Variants in PDE7A observed in about 807,000 individuals in gnomAD.
PDE7A encodes phosphodiesterase 7A.
PDE7A carries 39 observed loss-of-function variants against 64.3 expected under a neutral mutation model. That is an observed-to-expected ratio of 0.61 (90% CI 0.47 to 0.79). PDE7A has a LOEUF of 0.79. Ranked by LOEUF, PDE7A falls within the 30% of genes least tolerant of loss-of-function variation. The pLI, the probability that PDE7A is intolerant of heterozygous loss-of-function variation, is 0.00. For missense variants in PDE7A, 470 were observed against 582.8 expected, an observed-to-expected ratio of 0.81 and a Z score of 1.99; for synonymous variants, 203 against 206.8, an observed-to-expected ratio of 0.98 and a Z score of 0.16.
chr8:65,822,339 G>GT (rs774289043), intron 1 of PDE7A, among the ~76,000 whole-genome samples: 2 of 152,176 alleles, frequency 1.3e-5, no homozygotes, highest in Non-Finnish European at 2.9e-5. Context: ...ATGGCATATG[G>GT]TATTTTAGAA....
At chr8:65,780,386 A>G (rs73693414) in intron 2 of PDE7A, among the ~76,000 whole-genome samples, 1 of 152,198 alleles carries the variant, frequency 6.6e-6, no homozygotes, top group South Asian at 2.1e-4. Flanking sequence ...AATCTGATTA[A>G]TCACTCTTTT....
intron 7 of PDE7A, chr8:65,728,256 G>T (rs1257680415): frequency 6.6e-6 from 1 of 152,090 alleles, no homozygotes; most frequent in Non-Finnish European, 1.5e-5. Flanking sequence ...TTATTATACT[G>T]AACTAACATT....
At chr8:65,837,049 C>T (rs1402966127) in intron 1 of PDE7A, among the ~76,000 whole-genome samples, 1 of 152,212 alleles carries the variant, frequency 6.6e-6, no homozygotes, top group Non-Finnish European at 1.5e-5. Context: ...CATCTCATAA[C>T]ACTTTGATAA....
chr8:65,838,976 C>T (rs558970692), intron 1 of PDE7A, among the ~76,000 whole-genome samples: 1 of 152,234 alleles, frequency 6.6e-6, no homozygotes, highest in Non-Finnish European at 1.5e-5. Flanking sequence ...AAGTTCCAAA[C>T]CAAGTTTTGG....
At chr8:65,792,877 T>C (rs1199085917) in intron 1 of PDE7A, among the ~76,000 whole-genome samples, 2 of 152,202 alleles carry the variant, frequency 1.3e-5, no homozygotes, top group Admixed American at 6.5e-5. Flanking sequence ...TATGGTACTA[T>C]GAGAGTTTTG....
chr8:65,814,490 G>A (rs1157870518), intron 1 of PDE7A, among the ~76,000 whole-genome samples: 5 of 113,596 alleles, frequency 4.4e-5, no homozygotes, highest in South Asian at 3.1e-4. Context: ...CAGCCTGGGC[G>A]ACAGAGCGAG....
chr8:65,811,072 G>A (rs1275732536), intron 1 of PDE7A, among the ~76,000 whole-genome samples: 1 of 152,066 alleles, frequency 6.6e-6, no homozygotes, highest in Admixed American at 6.5e-5. Flanking sequence ...AATCTCTATT[G>A]AAGGATAGAG....
At position 65,715,109 on chromosome 8, in the gene PDE7A, C is replaced by T. The variant is rs373379818; in HGVS notation, c.*4181G>A. Among the ~76,000 whole-genome samples the T allele has an allele frequency of 2.4e-4, 37 of 152,226 alleles. No individual in the cohort carries two copies. The South Asian group carries it at 5.8e-3, about 24-fold the overall frequency. On this transcript the variant is annotated 3_prime_UTR_variant, in exon 13 of 13. Coordinates refer to ENST00000401827, the MANE Select transcript of PDE7A (RefSeq NM_001242318.3). ...GGCCATGTGTGTGAAAATTTTTAGT[C>T]TCCCATGTAAAATAAATTTTGCATT...
intron 1 of PDE7A, among the ~76,000 whole-genome samples, chr8:65,828,509 T>A (rs1810734681): frequency 6.6e-6 from 1 of 152,122 alleles, no homozygotes; most frequent in Non-Finnish European, 1.5e-5. Context: ...CTGAAATGAA[T>A]TAAAATATCT....
intron 1 of PDE7A, among the ~76,000 whole-genome samples, chr8:65,783,707 C>T (rs779431904): frequency 5.9e-5 from 9 of 152,128 alleles, no homozygotes; most frequent in Non-Finnish European, 1.0e-4. Flanking sequence ...TCACTGCATC[C>T]CTGGTCTCTA....
chr8:65,797,184 C>G (rs191182015), intron 1 of PDE7A, among the ~76,000 whole-genome samples: 13 of 152,096 alleles, frequency 8.5e-5, no homozygotes, highest in Non-Finnish European at 1.6e-4. Flanking sequence ...TTGTGTCCCC[C>G]CAAAAGATAT....
At chr8:65,778,643 G>A (rs572697531) in intron 3 of PDE7A, among the ~76,000 whole-genome samples, 2 of 152,154 alleles carry the variant, frequency 1.3e-5, no homozygotes, top group Middle Eastern at 3.4e-3. Context: ...ATCCTCCTCC[G>A]AGGCCCCGAG....
intron 7 of PDE7A, among the ~76,000 whole-genome samples, chr8:65,730,273 C>T (rs562389829): frequency 3.6e-4 from 53 of 148,324 alleles, no homozygotes; most frequent in African/African-American, 7.2e-4. Context: ...CTCCACCTCC[C>T]GGGTTTAAGT....
chr8:65,772,630 T>C (rs150794868), intron 3 of PDE7A, among the ~76,000 whole-genome samples: 1 of 152,262 alleles, frequency 6.6e-6, no homozygotes, highest in Non-Finnish European at 1.5e-5. Flanking sequence ...TTAAGATTCA[T>C]AACTGGAAAT....
At chr8:65,799,734 G>C (rs1383519171) in intron 1 of PDE7A, among the ~76,000 whole-genome samples, 12 of 152,214 alleles carry the variant, frequency 7.9e-5, no homozygotes, top group Admixed American at 7.9e-4. Context: ...GGGCTGGAGA[G>C]AGGGACCTGG....
At position 65,841,637 on chromosome 8, in the gene PDE7A, G is replaced by A; in HGVS notation, c.-129C>T. ...GCAGGGCGGGCGGGGACCGACCCCG[G>A]GCTGGGAAGCCGCGCTCACGCCTCC... On this transcript the variant is annotated 5_prime_UTR_variant, in exon 1 of 13. Transcript: ENST00000401827. 1 of 245,542 alleles carries A rather than the reference G, an allele frequency of 4.1e-6. No homozygotes were observed. The highest frequency in any genetic ancestry group is 7.0e-6 in the Non-Finnish European group (1 of 142,718). 15.2% of individuals were successfully genotyped at this position (245,542 alleles called of 1,614,324 possible).
intron 3 of PDE7A, chr8:65,765,573 G>A (rs1240028547): frequency 6.9e-6 from 1 of 144,904 alleles, no homozygotes; most frequent in African/African-American, 2.5e-5. Flanking sequence ...TGTCCCAAGA[G>A]TAAAAAGAAA....
chr8:65,802,871 C>T (rs566104338), intron 1 of PDE7A, among the ~76,000 whole-genome samples: 2 of 152,172 alleles, frequency 1.3e-5, no homozygotes, highest in East Asian at 1.9e-4. Flanking sequence ...TGAAAGGGTC[C>T]GGGCCATCCC....
At position 65,716,686 on chromosome 8, in the gene PDE7A, T is replaced by C. The variant is rs1344357461; in HGVS notation, c.*2604A>G. ...TTACATTTCTCACTGTAAATTAAAA[T>C]ATTGATAGTGTTTTAAAAAAATAGT... On this transcript the variant is annotated 3_prime_UTR_variant, in exon 13 of 13. Transcript: ENST00000401827. 6.6e-6 allele frequency among the ~76,000 whole-genome samples: 1 copy of C among 152,210 alleles called. No homozygotes were observed. Among genetic ancestry groups the C allele is most frequent in the Admixed American group, 6.5e-5 (1 of 15,272 alleles).
Sources: allele counts gnomAD v4.1 joint callset (sites outside exome capture counted in the v4.1 genomes callset), GRCh38; gene constraint gnomAD v4.1.1; transcripts MANE v1.5; gene names NCBI Gene and HGNC (gene_info 2026-07-23, HGNC 2026-07-21).